The following NSUN5 variants were observed in gnomAD, a reference collection of about 807,000 sequenced individuals.
NSUN5 encodes 28S rRNA (cytosine-C(5))-methyltransferase.
NSUN5 carries 39 observed loss-of-function variants against 51.1 expected under a neutral mutation model. The observed-to-expected ratio is 0.76, with a 90% CI of 0.59 to 1.00. The LOEUF (loss-of-function observed/expected upper bound fraction) is 1.00, where lower values mean the gene tolerates loss of function less well. Among genes scored for constraint, NSUN5 ranks in the 50% least tolerant of loss-of-function variants. The pLI, the probability that NSUN5 is intolerant of heterozygous loss-of-function variation, is 0.00. For missense variants in NSUN5, 526 were observed against 614.0 expected (o/e 0.86, Z 1.51); for synonymous variants, 266 against 271.5 (o/e 0.98, Z 0.20).
chr7:73,304,803 G>C lies in NSUN5; in HGVS notation c.699C>G (p.Ala233=). 6.2e-7 allele frequency: 1 copy of C among 1,613,970 alleles called. No homozygotes were observed. Among genetic ancestry groups the C allele is most frequent in the Non-Finnish European group, 8.5e-7 (1 of 1,179,870 alleles). The stretch of plus-strand genomic sequence containing the variant: ...TGGTCTTATTGCCTGGGGCGGCACA[G>C]GCATCGATGACATGGGAGCCTGGCG... ...DPPPGSHVID[A]CAAPGNKTSH... is the part of the protein sequence containing the mutation. Residue 233 remains alanine (A), a synonymous_variant, in exon 6 of 10, where the codon GCC becomes GCG. Coordinates refer to ENST00000438747, the MANE Select transcript of NSUN5 (RefSeq NM_148956.4).
intron 4 of NSUN5, among the ~76,000 whole-genome samples, chr7:73,305,768 G>A (rs1389894948): frequency 6.6e-6 from 1 of 152,174 alleles, no homozygotes; most frequent in Non-Finnish European, 1.5e-5. Flanking sequence ...TAGGCCTAGA[G>A]AGTCACATCT....
At chr7:73,305,268 A>G (rs1554541676) in intron 4 of NSUN5, among the ~76,000 whole-genome samples, 171 bp from the exon 5 acceptor site, 3 of 152,118 alleles carry the variant, frequency 2.0e-5, no homozygotes, top group Non-Finnish European at 2.9e-5. Flanking sequence ...AGCCAGACTG[A>G]TGGGTCAGGA....
At chr7:73,307,983 C>G (rs1335750196) in intron 2 of NSUN5, 5 of 557,170 alleles carry the variant, frequency 9.0e-6, no homozygotes, top group East Asian at 9.0e-5. Context: ...CACCGATGTT[C>G]ACCAGTAGAC....
In NSUN5 at chr7:73,304,136, C is replaced by A; in HGVS notation, c.934+94G>T. ...AACTTTTGTCCCAGGGTCCCAAGCC[C>A]ATTAGTGTCAGAAGTAAGACCAAAA... On this transcript the variant is annotated intron_variant, in intron 7 of 9. Coordinates refer to ENST00000438747, the MANE Select transcript of NSUN5 (RefSeq NM_148956.4). 1.3e-5 allele frequency: 20 copies of A among 1,558,408 alleles called. No homozygotes were observed. In the South Asian group the frequency reaches 2.4e-4, roughly 18 times the overall value.
At chr7:73,304,493 G>A in intron 6 of NSUN5, 85 bp from the exon 7 acceptor site, 1 of 1,327,366 alleles carries the variant, frequency 7.5e-7, no homozygotes, top group Non-Finnish European at 1.0e-6. Context: ...GTTAAGCCAG[G>A]ACACACAATA....
In NSUN5 at chr7:73,303,314, T is replaced by C; in HGVS notation, c.*101A>G. On this transcript the variant is annotated 3_prime_UTR_variant, in exon 10 of 10. Coordinates refer to ENST00000438747, the MANE Select transcript of NSUN5 (RefSeq NM_148956.4). ...CCCAAGGAAGGGACCCAATAACCTT[T>C]CAAAACCCAAACTGCTTCCTGCGGT... The C allele has an allele frequency of 1.2e-6, 2 of 1,613,918 alleles. No homozygotes were observed. Among genetic ancestry groups the C allele is most frequent in the Non-Finnish European group, 1.7e-6 (2 of 1,179,838 alleles).
chr7:73,305,805 C>T (rs1341411633), intron 4 of NSUN5, among the ~76,000 whole-genome samples: 6 of 152,132 alleles, frequency 3.9e-5, no homozygotes, highest in African/African-American at 1.4e-4. Context: ...GTCAAAGTGG[C>T]AGAGCTGGAA....
In NSUN5 at chr7:73,303,384, C is replaced by T; in HGVS notation, c.*31G>A. The T allele has an allele frequency of 1.2e-6, 2 of 1,614,016 alleles. No individual in the cohort carries two copies. Among genetic ancestry groups the T allele is most frequent in the Non-Finnish European group, 1.7e-6 (2 of 1,179,934 alleles). ...CGGAGAGGACAGGCATCTTCCTTTCCCACCAGGAAGGAGTCAGCCCGGAGC... is the reference window on the plus strand; with the variant it reads ...CGGAGAGGACAGGCATCTTCCTTTCTCACCAGGAAGGAGTCAGCCCGGAGC... On this transcript the variant is annotated 3_prime_UTR_variant, in exon 10 of 10. Transcript: ENST00000438747.
chr7:73,307,759 T>TG lies in NSUN5; in HGVS notation c.217-3dup, dbSNP rs1554542152. 1.3e-6 allele frequency: 2 copies of TG among 1,543,920 alleles called. No individual in the cohort carries two copies. The highest frequency in any genetic ancestry group is 2.4e-5 in the East Asian group (1 of 41,000). On this transcript the variant is annotated splice_region_variant and splice_polypyrimidine_tract_variant and intron_variant, in intron 2 of 9. Coordinates refer to ENST00000438747, the MANE Select transcript of NSUN5 (RefSeq NM_148956.4). Reference sequence around the variant, plus strand: ...CAACAACAACTCATACACTAGCACCTGGGAATGAGGGAACAAAGACAAAAA... The same window carrying TG: ...CAACAACAACTCATACACTAGCACCTGGGGAATGAGGGAACAAAGACAAAAA...
At position 73,303,701 on chromosome 7, in the gene NSUN5, C is replaced by A. The variant is rs1554541154; in HGVS notation, c.1185G>T (p.Leu395=). The A allele has an allele frequency of 6.2e-7, 1 of 1,614,174 alleles. No individual in the cohort carries two copies. The highest frequency in any genetic ancestry group is 8.5e-7 in the Non-Finnish European group (1 of 1,180,020). ...PALPAWPHRG[L]STFPGAEHCL... is the part of the protein sequence containing the mutation. Reference sequence around the variant, plus strand: ...AGTGCTCGGCACCCGGGAACGTGCTCAGGCCTCGGTGGGGCCAGGCAGGCA... The same window carrying A: ...AGTGCTCGGCACCCGGGAACGTGCTAAGGCCTCGGTGGGGCCAGGCAGGCA... Residue 395 remains leucine, a synonymous_variant, in exon 9 of 10, where the codon CTG becomes CTT. Transcript: ENST00000438747.
chr7:73,303,883 T>C lies in NSUN5; in HGVS notation c.1088A>G (p.Gln363Arg). Residue 363 changes from glutamine to arginine, a missense_variant, in exon 8 of 10, where the codon CAG (glutamine) becomes CGG (arginine). Gln to Arg is a conservative substitution (Grantham distance 43). Coordinates refer to ENST00000438747, the MANE Select transcript of NSUN5 (RefSeq NM_148956.4). ...RLVYSTCSLCQEENEDVVRDA... is the reference protein window; with the variant it reads ...RLVYSTCSLCREENEDVVRDA... ...TCGCACCACGTCTTCATTCTCCTCC[T>C]GGCAGAGGGAGCACGTGGAGTAGAC... 1.2e-6 allele frequency: 2 copies of C among 1,613,652 alleles called. No individual in the cohort carries two copies. The highest frequency in any genetic ancestry group is 2.2e-5 in the East Asian group (1 of 44,862).
At chr7:73,306,770 A>G (rs1804057270) in intron 4 of NSUN5, among the ~76,000 whole-genome samples, 1 of 152,084 alleles carries the variant, frequency 6.6e-6, no homozygotes, top group Non-Finnish European at 1.5e-5. Flanking sequence ...AATTCCAGCT[A>G]CTCAGGAGGC....
Position 73,308,773 on chromosome 7 carries a change from T to A in NSUN5, c.18A>T (p.Ala6=), listed in dbSNP as rs782201189. ...CCACGCCGGCCAACACGCCTGCAGC[T>A]GCAGCATACAGCCCCATGTTCCCGC... is the stretch of plus-strand genomic sequence containing the variant. MGLYA[A]AAGVLAGVES... The change falls in exon 1 of 10, where the codon GCA becomes GCT. Residue 6 remains alanine (A), a synonymous_variant. Coordinates refer to ENST00000438747, the MANE Select transcript of NSUN5 (RefSeq NM_148956.4). The A allele has an allele frequency of 1.9e-6, 3 of 1,613,144 alleles. No homozygotes were observed. The highest frequency in any genetic ancestry group is 1.1e-5 in the South Asian group (1 of 91,044).
At position 73,303,599 on chromosome 7, in the gene NSUN5, C is replaced by T. The variant is rs782122100; in HGVS notation, c.1286+1G>A. 1.9e-6 allele frequency: 3 copies of T among 1,614,222 alleles called. No homozygotes were observed. Among genetic ancestry groups the T allele is most frequent in the Non-Finnish European group, 2.5e-6 (3 of 1,180,036 alleles). On this transcript the variant is annotated splice_donor_variant, in intron 9 of 9. Coordinates refer to ENST00000438747, the MANE Select transcript of NSUN5 (RefSeq NM_148956.4). LOFTEE classifies it high-confidence loss of function. The stretch of plus-strand genomic sequence containing the variant: ...TCCCAAGCACGCCCCCACTCACTCA[C>T]CTTGGCACCTCGACCCGTTCAATTA...
In NSUN5 at chr7:73,303,585, C is replaced by A. The variant is rs1327475310; in HGVS notation, c.1286+15G>T. 1 of 1,614,206 alleles carries A rather than the reference C, an allele frequency of 6.2e-7. No individual in the cohort carries two copies. The highest frequency in any genetic ancestry group is 1.7e-5 in the Admixed American group (1 of 60,014). On this transcript the variant is annotated intron_variant, in intron 9 of 9. Transcript: ENST00000438747. Reference sequence around the variant, plus strand: ...TGCCATCCTGCGCCTCCCAAGCACGCCCCCACTCACTCACCTTGGCACCTC... The same window carrying A: ...TGCCATCCTGCGCCTCCCAAGCACGACCCCACTCACTCACCTTGGCACCTC...
At position 73,304,423 on chromosome 7, in the gene NSUN5, G is replaced by A. The variant is rs1554541488; in HGVS notation, c.756-15C>T. The A allele has an allele frequency of 6.2e-7, 1 of 1,603,576 alleles. No homozygotes were observed. The highest frequency in any genetic ancestry group is 1.1e-5 in the South Asian group (1 of 89,224). ...CAAAGATCTTCCTAGGGCAAAGCAG[G>A]GGTGAGCTGAGCACGCATGGAGCAG... On this transcript the variant is annotated splice_polypyrimidine_tract_variant and intron_variant, in intron 6 of 9. Transcript: ENST00000438747.
At position 73,307,504 on chromosome 7, in the gene NSUN5, T is replaced by C; in HGVS notation, c.392-2A>G. On this transcript the variant is annotated splice_acceptor_variant, in intron 3 of 9. Transcript: ENST00000438747. LOFTEE classifies it high-confidence loss of function. Reference sequence around the variant, plus strand: ...GCACAAATCGAGGCAGCTGGGAGGCTACGTAGGACGCAATGAGCAGTGAGT... The same window carrying C: ...GCACAAATCGAGGCAGCTGGGAGGCCACGTAGGACGCAATGAGCAGTGAGT... 6.2e-7 allele frequency: 1 copy of C among 1,614,076 alleles called. No individual in the cohort carries two copies. Among genetic ancestry groups the C allele is most frequent in the Non-Finnish European group, 8.5e-7 (1 of 1,179,994 alleles).
chr7:73,305,526 G>A (rs1279837616), intron 4 of NSUN5, among the ~76,000 whole-genome samples: 3 of 148,338 alleles, frequency 2.0e-5, no homozygotes, highest in Non-Finnish European at 3.0e-5. Context: ...GTGCAGTGGC[G>A]CGATCTCGGC....
chr7:73,305,357 A>G (rs1803997236), intron 4 of NSUN5, among the ~76,000 whole-genome samples: 2 of 152,102 alleles, frequency 1.3e-5, no homozygotes, highest in Non-Finnish European at 2.9e-5. Flanking sequence ...TCTGTAAAAT[A>G]GTAGGTGTGG....
Sources: allele counts gnomAD v4.1 joint callset (sites outside exome capture counted in the v4.1 genomes callset), GRCh38; gene constraint gnomAD v4.1.1; transcripts MANE v1.5; gene names NCBI Gene and HGNC (gene_info 2026-07-23, HGNC 2026-07-21).